Variants in FANCA observed in about 807,000 individuals in gnomAD.
FANCA encodes FA complementation group A.
Under a neutral mutation model 194.3 loss-of-function variants are expected in FANCA, and 236 were observed. That is an observed-to-expected ratio of 1.21 (90% CI 1.09 to 1.35). FANCA has a LOEUF of 1.35. FANCA is among the 40% of genes most tolerant of loss of function. The pLI is 0.00. For missense variants in FANCA, 2,628 were observed against 1,813.9 expected, an observed-to-expected ratio of 1.45 and a Z score of -8.15; for synonymous variants, 1,014 against 715.8, an observed-to-expected ratio of 1.42 and a Z score of -6.65.
intron 11 of FANCA, 52 bp from the exon 12 acceptor site, chr16:89,792,599 G>A (rs1567636856): frequency 1.3e-6 from 2 of 1,536,496 alleles, no homozygotes; most frequent in Non-Finnish European, 1.8e-6. Flanking sequence ...AAAAAGTTGT[G>A]GGTTTTTGTT....
In FANCA at chr16:89,808,305, C is replaced by G. The variant is rs1833637394; in HGVS notation, c.585G>C (p.Glu195Asp). The G allele has an allele frequency of 5.0e-6, 8 of 1,613,978 alleles. No homozygotes were observed. In the South Asian group the frequency reaches 6.6e-5, roughly 13 times the overall value. The change falls in exon 6 of 43, where the codon GAG becomes GAC. Residue 195 changes from glutamate to aspartate, a missense_variant. Coordinates refer to ENST00000389301, the MANE Select transcript of FANCA (RefSeq NM_000135.4). ...LHVQGIVSLQ[E>D]LLESHPDMHA... is the part of the protein sequence containing the mutation. ...CATTAGCACGCTACCTTTCCAGCAGCTCTTGCAGGCTCACAATGCCTTGTA... is the reference window on the plus strand; with the variant it reads ...CATTAGCACGCTACCTTTCCAGCAGGTCTTGCAGGCTCACAATGCCTTGTA...
intron 17 of FANCA, among the ~76,000 whole-genome samples, chr16:89,781,547 G>T (rs1395562466): frequency 6.7e-6 from 1 of 150,084 alleles, no homozygotes; most frequent in Non-Finnish European, 1.5e-5. Flanking sequence ...GTGGTGGCAG[G>T]TGCCTGTAGT....
chr16:89,777,860 C>G (rs1024746860), intron 20 of FANCA, among the ~76,000 whole-genome samples: 2 of 151,220 alleles, frequency 1.3e-5, no homozygotes, highest in African/African-American at 4.9e-5. Context: ...GAAACATTTT[C>G]TTTCACTGAA....
intron 39 of FANCA, 69 bp from the exon 40 acceptor site, chr16:89,739,622 C>G (rs1284056816): frequency 2.0e-6 from 3 of 1,531,516 alleles, no homozygotes; most frequent in Non-Finnish European, 2.7e-6. Context: ...GGGGACACCC[C>G]TGGGGGTCGG....
intron 6 of FANCA, among the ~76,000 whole-genome samples, chr16:89,806,347 C>CTTTTTTTTTTT (rs34862478): frequency 9.1e-6 from 1 of 110,448 alleles, no homozygotes; most frequent in Non-Finnish European, 1.7e-5. Context: ...CTATATCATT[C>CTTTTTTTTTTT]TTTTTTTTTT....
At chr16:89,751,810 G>A (rs1026956243) in intron 31 of FANCA, among the ~76,000 whole-genome samples, 4 of 149,338 alleles carry the variant, frequency 2.7e-5, no homozygotes, top group Admixed American at 6.7e-5. Context: ...TCTGTCGCCC[G>A]CCCAGGCTGG....
rs553641164 is a variant in FANCA at position 89,803,406 on chromosome 16, C to A, written c.710-65G>T. The A allele has an allele frequency of 4.2e-6, 6 of 1,418,580 alleles. No individual in the cohort carries two copies. The South Asian group carries it at 5.7e-5, about 14-fold the overall frequency. The allele number at this position is 1,418,580 out of a possible 1,614,324, so 87.9% of individuals were successfully genotyped here. On this transcript the variant is annotated intron_variant, in intron 7 of 42. Coordinates refer to ENST00000389301, the MANE Select transcript of FANCA (RefSeq NM_000135.4). ...GGTCTCCAAGCAACTGTGAATGGCA[C>A]AGACCATCCACTTCAGAGGGGCGGG...
chr16:89,797,768 G>A (rs771211839), intron 10 of FANCA, among the ~76,000 whole-genome samples: 1 of 152,014 alleles, frequency 6.6e-6, no homozygotes, highest in Non-Finnish European at 1.5e-5. Flanking sequence ...GGTGGTGCAT[G>A]CCTGTAATCC....
chr16:89,804,771 CG>C (rs1447365720), intron 7 of FANCA, among the ~76,000 whole-genome samples: 1 of 152,118 alleles, frequency 6.6e-6, no homozygotes, highest in Non-Finnish European at 1.5e-5. Flanking sequence ...TAGTGGCTCA[CG>C]CCTATAATCC....
At position 89,773,307 on chromosome 16, in the gene FANCA, G is replaced by A. The variant is rs1295951710; in HGVS notation, c.1978C>T (p.Leu660=). 1 of 1,551,452 alleles carries A rather than the reference G, an allele frequency of 6.4e-7. No individual in the cohort carries two copies. Among genetic ancestry groups the A allele is most frequent in the African/African-American group, 1.4e-5 (1 of 73,158 alleles). ...LGQLTAALGE[L]RASMTDPSQR... is the part of the protein sequence containing the mutation. ...CTGGGGTCTGTCATGGAGGCTCTCA[G>A]CTCTCCCAGTGCAGCTGTGAGCTGT... The change falls in exon 22 of 43, where the codon CTG becomes TTG. Residue 660 remains leucine (L), a synonymous_variant. Coordinates refer to ENST00000389301, the MANE Select transcript of FANCA (RefSeq NM_000135.4).
intron 7 of FANCA, 56 bp from the exon 8 acceptor site, chr16:89,803,397 T>C: frequency 6.7e-7 from 1 of 1,496,116 alleles, no homozygotes; most frequent in Non-Finnish European, 9.3e-7. Context: ...CAAGCAACTG[T>C]GAATGGCACA....
At chr16:89,809,194 C>G (rs1288207742) in intron 5 of FANCA, among the ~76,000 whole-genome samples, 1 of 151,820 alleles carries the variant, frequency 6.6e-6, no homozygotes, top group Non-Finnish European at 1.5e-5. Context: ...GTGTGAGCCA[C>G]TGGGCCCGGC....
At chr16:89,756,777 C>T (rs1394789379) in intron 30 of FANCA, among the ~76,000 whole-genome samples, 1 of 150,892 alleles carries the variant, frequency 6.6e-6, no homozygotes, top group Non-Finnish European at 1.5e-5. Context: ...TGAAGAGAGG[C>T]TGAATAATCC....
chr16:89,774,456 C>T (rs1393461126), intron 21 of FANCA, among the ~76,000 whole-genome samples: 1 of 152,052 alleles, frequency 6.6e-6, no homozygotes, highest in Non-Finnish European at 1.5e-5. Context: ...GTCGGCCGGG[C>T]ATGGGGGCTC....
At position 89,779,913 on chromosome 16, in the gene FANCA, C is replaced by A; in HGVS notation, c.1671G>T (p.Val557=). The change falls in exon 18 of 43, where the codon GTG becomes GTT. Residue 557 remains valine, a synonymous_variant. Transcript: ENST00000389301. ...ALQDVEKAIM[V]FEHTGNIPVT... ...CTGGGATGTTCCCCGTATGCTCAAA[C>A]ACCATGATGGCCTTTTCAACATCCT... is the stretch of plus-strand genomic sequence containing the variant. The A allele has an allele frequency of 6.2e-7, 1 of 1,614,168 alleles. No homozygotes were observed. Among genetic ancestry groups the A allele is most frequent in the Non-Finnish European group, 8.5e-7 (1 of 1,180,046 alleles).
intron 30 of FANCA, 21 bp downstream of exon 30, chr16:89,758,556 A>C (rs746381348): frequency 6.2e-7 from 1 of 1,612,236 alleles, no homozygotes; most frequent in South Asian, 1.1e-5. Context: ...AGAGAACCCT[A>C]ATACAGTGTG....
At chr16:89,797,285 C>T (rs1163719110) in intron 10 of FANCA, among the ~76,000 whole-genome samples, 2 of 152,018 alleles carry the variant, frequency 1.3e-5, no homozygotes, top group African/African-American at 2.4e-5. Context: ...AAACCGAGAT[C>T]GTGCCACTGC....
At chr16:89,763,732 G>A (rs1383038239) in intron 28 of FANCA, among the ~76,000 whole-genome samples, 1 of 151,176 alleles carries the variant, frequency 6.6e-6, no homozygotes, top group East Asian at 2.0e-4. Flanking sequence ...AGGTCAGGAG[G>A]TCGAGACCAG....
chr16:89,793,100 C>A (rs915125854), intron 11 of FANCA, among the ~76,000 whole-genome samples: 1 of 152,148 alleles, frequency 6.6e-6, no homozygotes, highest in Admixed American at 6.5e-5. Flanking sequence ...TGTGGGTGAG[C>A]CTGACTGATG....
Sources: allele counts gnomAD v4.1 joint callset (sites outside exome capture counted in the v4.1 genomes callset), GRCh38; gene constraint gnomAD v4.1.1; transcripts MANE v1.5; gene names NCBI Gene and HGNC (gene_info 2026-07-23, HGNC 2026-07-21).